The following CACNA1C variants were observed in gnomAD, a reference collection of about 807,000 sequenced individuals.
CACNA1C encodes the protein calcium voltage-gated channel subunit alpha1 C.
In CACNA1C, 30 loss-of-function variants were observed where a neutral mutation model predicts 229.0. That is an observed-to-expected ratio of 0.13 (90% CI 0.10 to 0.18). The LOEUF (loss-of-function observed/expected upper bound fraction) is 0.18. CACNA1C is among the 10% of genes least tolerant of loss of function. The pLI is 1.00. For missense variants in CACNA1C, 1,658 were observed against 2,845.0 expected (o/e 0.58, Z 9.49); for synonymous variants, 1,114 against 1,132.5 (o/e 0.98, Z 0.33).
rs751809318 is a variant in CACNA1C, at chr12:2,250,527, AG to A, written c.477+130102del. On this transcript the variant is annotated intron_variant, in intron 3 of 46. Coordinates refer to ENST00000399655, the MANE Select transcript of CACNA1C (RefSeq NM_000719.7). ...CATTTGATCTTCATAGCAACTACTCAGGGGGACAAACTGGGTGATGGCCTAC... is the reference window on the plus strand; with the variant it reads ...CATTTGATCTTCATAGCAACTACTCAGGGGACAAACTGGGTGATGGCCTAC... 5.3e-5 allele frequency among the ~76,000 whole-genome samples: 8 copies of A among 152,310 alleles called. No individual in the cohort carries two copies. The South Asian group carries it at 1.4e-3, about 28-fold the overall frequency.
chr12:2,160,408 C>G (rs2095797288), intron 3 of CACNA1C, among the ~76,000 whole-genome samples: 1 of 152,208 alleles, frequency 6.6e-6, no homozygotes, highest in East Asian at 1.9e-4. Flanking sequence ...TATCTGCCAC[C>G]CTGCATCCTC....
chr12:2,323,667 C>T (rs1472386769), intron 3 of CACNA1C, among the ~76,000 whole-genome samples: 1 of 152,218 alleles, frequency 6.6e-6, no homozygotes, highest in Non-Finnish European at 1.5e-5. Context: ...AGTGACAGCT[C>T]ATCCCACAGT....
intron 14 of CACNA1C, 87 bp from the exon 15 acceptor site, chr12:2,582,735 G>C: frequency 6.9e-7 from 1 of 1,453,296 alleles, no homozygotes; most frequent in Non-Finnish European, 9.4e-7. Flanking sequence ...GGACAATTTT[G>C]TTGACGTAGT....
At chr12:2,263,698 A>T (rs879341020) in intron 3 of CACNA1C, among the ~76,000 whole-genome samples, 3 of 152,042 alleles carry the variant, frequency 2.0e-5, no homozygotes, top group Non-Finnish European at 4.4e-5. Context: ...CAGACCGGAC[A>T]TGAGGTATGA....
At chr12:2,562,598 C>G (rs2048085779) in intron 11 of CACNA1C, among the ~76,000 whole-genome samples, 2 of 152,218 alleles carry the variant, frequency 1.3e-5, no homozygotes, top group African/African-American at 4.8e-5. Context: ...GGTCGCCTCT[C>G]AAGAGGACCA....
intron 3 of CACNA1C, among the ~76,000 whole-genome samples, chr12:2,122,199 TA>T (rs1427450805): frequency 3.3e-5 from 5 of 152,174 alleles, no homozygotes; most frequent in Non-Finnish European, 7.3e-5. Flanking sequence ...GGCAGGTTTT[TA>T]TCACATCACA....
intron 1 of CACNA1C, among the ~76,000 whole-genome samples, chr12:2,106,949 G>A (rs1373925066): frequency 1.1e-5 from 1 of 92,852 alleles, no homozygotes; most frequent in Non-Finnish European, 2.4e-5. Flanking sequence ...GCGTCCTGAA[G>A]CCACTGGGCG....
intron 3 of CACNA1C, among the ~76,000 whole-genome samples, chr12:2,431,141 T>C (rs2099079896): frequency 1.3e-5 from 2 of 152,126 alleles, no homozygotes; most frequent in African/African-American, 4.8e-5. Context: ...CCTGGTGCTT[T>C]TCAGAAGTGG....
At chr12:2,278,699 A>G (rs781076469) in intron 3 of CACNA1C, among the ~76,000 whole-genome samples, 1 of 152,244 alleles carries the variant, frequency 6.6e-6, no homozygotes, top group Non-Finnish European at 1.5e-5. Context: ...ACATTTGTGT[A>G]TAAGGCTTCG....
chr12:2,506,292 T>C (rs540656710), intron 8 of CACNA1C, among the ~76,000 whole-genome samples: 3 of 152,206 alleles, frequency 2.0e-5, no homozygotes, highest in African/African-American at 7.2e-5. Flanking sequence ...AATGCCCATG[T>C]GTTTATATGT....
intron 3 of CACNA1C, among the ~76,000 whole-genome samples, chr12:2,361,392 C>T (rs904061242): frequency 5.9e-5 from 9 of 152,064 alleles, no homozygotes; most frequent in East Asian, 1.9e-4. Flanking sequence ...GAGCTCTGGA[C>T]GATGATAGAG....
intron 5 of CACNA1C, among the ~76,000 whole-genome samples, chr12:2,480,348 C>T (rs2099670437): frequency 6.6e-6 from 1 of 152,198 alleles, no homozygotes; most frequent in South Asian, 2.1e-4. Flanking sequence ...GCACCACTTC[C>T]TGGAAAGCCT....
rs572482278 is a variant in CACNA1C at position 2,207,823 on chromosome 12, A to G, written c.477+87393A>G. On this transcript the variant is annotated intron_variant, in intron 3 of 46. Transcript: ENST00000399655. ...GTGACAGAGCCAGACCCTGTCTCAA[A>G]AACAAAACAAACAAAAAAAACCATG... Among the ~76,000 whole-genome samples the G allele has an allele frequency of 2.3e-5, 3 of 131,968 alleles. No individual in the cohort carries two copies. In the South Asian group the frequency reaches 7.8e-4, roughly 34 times the overall value. 86.6% of individuals were successfully genotyped at this position (131,968 alleles called of 152,430 possible). A position where few individuals can be genotyped will look rare whatever the true frequency, so the allele number is the denominator to read the frequency against.
At chr12:2,290,233 G>A (rs117067220) in intron 3 of CACNA1C, among the ~76,000 whole-genome samples, 6,595 of 152,274 alleles carry the variant, frequency 0.043, 177 homozygotes, top group Middle Eastern at 0.065. Context: ...CCTGGCCAGC[G>A]CCTGCCTTGC....
intron 1 of CACNA1C, among the ~76,000 whole-genome samples, chr12:2,036,018 CCTT>C (rs890149991): frequency 2.6e-5 from 4 of 152,056 alleles, no homozygotes; most frequent in African/African-American, 7.2e-5. Flanking sequence ...TCTTGTAACA[CCTT>C]CTTTGGGGTT....
intron 3 of CACNA1C, among the ~76,000 whole-genome samples, chr12:2,413,263 C>T (rs1037578624): frequency 5.3e-5 from 8 of 152,184 alleles, no homozygotes; most frequent in Non-Finnish European, 7.3e-5. Context: ...GTGATCCACC[C>T]GCCTCAGCCT....
At chr12:2,371,394 G>A (rs934841385) in intron 3 of CACNA1C, among the ~76,000 whole-genome samples, 21 of 152,254 alleles carry the variant, frequency 1.4e-4, no homozygotes, top group Middle Eastern at 3.4e-3. Flanking sequence ...GAAAGAAGGC[G>A]TTGAAGGGGC....
At chr12:2,521,212 A>G (rs2099809191) in intron 9 of CACNA1C, among the ~76,000 whole-genome samples, 1 of 152,238 alleles carries the variant, frequency 6.6e-6, no homozygotes, top group Non-Finnish European at 1.5e-5. Flanking sequence ...TTCACTGTGT[A>G]ACAGCTATGG....
rs185324268 is a variant in CACNA1C at position 2,624,566 on chromosome 12, C to T, written c.3829-9731C>T. Among the ~76,000 whole-genome samples, 67 of 152,334 alleles carry T rather than the reference C, an allele frequency of 4.4e-4. 1 individual carries two copies. The East Asian group carries it at 0.011, about 25-fold the overall frequency. Reference sequence around the variant, plus strand: ...TGAAGAGCAAGCAAGAATTTTATTTCAAAAATCGTACGGAAACCTAGACAT... The same window carrying T: ...TGAAGAGCAAGCAAGAATTTTATTTTAAAAATCGTACGGAAACCTAGACAT... On this transcript the variant is annotated intron_variant, in intron 29 of 46. Coordinates refer to ENST00000399655, the MANE Select transcript of CACNA1C (RefSeq NM_000719.7).
Sources: gnomAD v4.1 joint callset for allele counts (sites outside exome capture counted in the v4.1 genomes callset) on GRCh38, gnomAD v4.1.1 for gene constraint, MANE v1.5 for transcripts, NCBI Gene and HGNC (gene_info 2026-07-23, HGNC 2026-07-21) for gene names.